Variants in SLCO1B3 observed in about 807,000 individuals in gnomAD.
The protein encoded by SLCO1B3 is liver-specific organic anion transporter 2.
Under a neutral mutation model 71.8 loss-of-function variants are expected in SLCO1B3, and 72 were observed. That is an observed-to-expected ratio of 1.00 (90% CI 0.83 to 1.22). SLCO1B3 has a LOEUF of 1.22. SLCO1B3 is among the 50% of genes most tolerant of loss of function. The pLI is 0.00. For missense variants in SLCO1B3, 911 were observed against 819.7 expected, an observed-to-expected ratio of 1.11 and a Z score of -1.36; for synonymous variants, 298 against 278.4, an observed-to-expected ratio of 1.07 and a Z score of -0.70.
intron 3 of SLCO1B3, among the ~76,000 whole-genome samples, chr12:20,837,112 T>C (rs1864700101): frequency 6.6e-6 from 1 of 152,182 alleles, no homozygotes; most frequent in Non-Finnish European, 1.5e-5. Flanking sequence ...TTTTTCATAG[T>C]ATTTCATTAT....
intron 3 of SLCO1B3, 124 bp downstream of exon 3, chr12:20,815,946 A>G (rs74464403): frequency 2.0e-6 from 1 of 491,176 alleles, no homozygotes; most frequent in African/African-American, 2.0e-5. Context: ...TGAAGCGTAC[A>G]TTAAAATATT....
chr12:20,814,320 C>G (rs1261795200), intron 2 of SLCO1B3, among the ~76,000 whole-genome samples: 1 of 152,018 alleles, frequency 6.6e-6, no homozygotes, highest in Non-Finnish European at 1.5e-5. Flanking sequence ...TTCAAAACTT[C>G]ACTTGTAGGA....
At chr12:20,887,582 G>C (rs980447053) in intron 13 of SLCO1B3, among the ~76,000 whole-genome samples, 1 of 151,050 alleles carries the variant, frequency 6.6e-6, no homozygotes, top group African/African-American at 2.4e-5. Context: ...TTTTTTTATT[G>C]AGTTGTTTGA....
intron 13 of SLCO1B3, among the ~76,000 whole-genome samples, chr12:20,892,664 A>G (rs1021489600): frequency 6.6e-6 from 1 of 152,160 alleles, no homozygotes; most frequent in African/African-American, 2.4e-5. Flanking sequence ...TCTTTGTTAT[A>G]AAAAAGGAAT....
At chr12:20,835,154 G>T (rs942702333) in intron 3 of SLCO1B3, among the ~76,000 whole-genome samples, 6 of 152,104 alleles carry the variant, frequency 3.9e-5, no homozygotes, top group Non-Finnish European at 8.8e-5. Flanking sequence ...TGGAGTGGCT[G>T]GAATGCAGGG....
intron 3 of SLCO1B3, among the ~76,000 whole-genome samples, chr12:20,850,108 T>A (rs1864995362): frequency 6.9e-6 from 1 of 144,938 alleles, no homozygotes. Flanking sequence ...GGTCCCCAAA[T>A]AAACAAAATA....
intron 11 of SLCO1B3, among the ~76,000 whole-genome samples, chr12:20,880,425 T>G (rs1358587484): frequency 6.6e-6 from 1 of 151,978 alleles, no homozygotes; most frequent in Non-Finnish European, 1.5e-5. Context: ...TCAGAGGATT[T>G]TAAAGTGAGC....
At chr12:20,861,472 C>G (rs989319667) in intron 6 of SLCO1B3, among the ~76,000 whole-genome samples, 1 of 145,970 alleles carries the variant, frequency 6.9e-6, no homozygotes, top group Non-Finnish European at 1.5e-5. Flanking sequence ...ATGAGTTGTC[C>G]TAGAACAAAC....
intron 3 of SLCO1B3, among the ~76,000 whole-genome samples, chr12:20,837,206 T>C (rs1213215488): frequency 3.9e-5 from 6 of 152,132 alleles, no homozygotes; most frequent in African/African-American, 1.4e-4. Context: ...TCTCTTTTTT[T>C]TTCCCTTAGT....
intron 15 of SLCO1B3, among the ~76,000 whole-genome samples, chr12:20,903,600 G>T (rs1014375841): frequency 6.6e-6 from 1 of 152,030 alleles, no homozygotes; most frequent in Non-Finnish European, 1.5e-5. Flanking sequence ...AGAGAGCAAA[G>T]GGGGAAGTGC....
intron 4 of SLCO1B3, 41 bp from the exon 5 acceptor site, chr12:20,858,398 T>C: frequency 1.4e-6 from 2 of 1,433,256 alleles, no homozygotes; most frequent in Non-Finnish European, 2.0e-6. Context: ...AGATACAAAA[T>C]TACACTAAGT....
intron 12 of SLCO1B3, among the ~76,000 whole-genome samples, chr12:20,882,345 A>G (rs1865709589): frequency 6.6e-6 from 1 of 152,052 alleles, no homozygotes; most frequent in Non-Finnish European, 1.5e-5. Flanking sequence ...TGTTATTCCT[A>G]TTGAAAAAAA....
At position 20,830,173 on chromosome 12, in the gene SLCO1B3, C is replaced by T. The variant is rs117331940; in HGVS notation, c.84+14351C>T. ...GAAGATAGCTCAAGCTTGCACCTGG[C>T]GCCCGTAAGAGCCTTGTGAAAGGTT... is the stretch of plus-strand genomic sequence containing the variant. On this transcript the variant is annotated intron_variant, in intron 3 of 15. Coordinates refer to ENST00000381545, the MANE Select transcript of SLCO1B3 (RefSeq NM_019844.4). Among the ~76,000 whole-genome samples the T allele has an allele frequency of 4.0e-3, 603 of 152,238 alleles. 10 individuals carry two copies. In the East Asian group the frequency reaches 0.041, roughly 10 times the overall value.
At chr12:20,877,450 G>A (rs71583728) in intron 9 of SLCO1B3, among the ~76,000 whole-genome samples, 9,468 of 152,104 alleles carry the variant, frequency 0.062, 383 homozygotes, top group East Asian at 0.18. Context: ...AATGAGAACT[G>A]TTCAAAAGTT....
rs529342866 is a variant in SLCO1B3 at position 20,819,807 on chromosome 12, G to T, written c.84+3985G>T. 3.3e-5 allele frequency among the ~76,000 whole-genome samples: 5 copies of T among 152,226 alleles called. No homozygotes were observed. In the East Asian group the frequency reaches 9.7e-4, roughly 30 times the overall value. Reference sequence around the variant, plus strand: ...AGGTTTTAATGAGATGATAAGGGGTGCATGATCGGTCACCAAGGAGGGAGT... The same window carrying T: ...AGGTTTTAATGAGATGATAAGGGGTTCATGATCGGTCACCAAGGAGGGAGT... On this transcript the variant is annotated intron_variant, in intron 3 of 15. Coordinates refer to ENST00000381545, the MANE Select transcript of SLCO1B3 (RefSeq NM_019844.4).
chr12:20,898,964 C>T (rs1273348788), intron 14 of SLCO1B3, among the ~76,000 whole-genome samples: 1 of 152,174 alleles, frequency 6.6e-6, no homozygotes, highest in Non-Finnish European at 1.5e-5. Context: ...CCATTTCCCA[C>T]TGCCTGGTCC....
intron 3 of SLCO1B3, among the ~76,000 whole-genome samples, chr12:20,822,008 T>C (rs969416179): frequency 2.0e-5 from 3 of 152,036 alleles, no homozygotes; most frequent in Non-Finnish European, 4.4e-5. Context: ...GTGAAGGAAG[T>C]TGGAGAAGAG....
chr12:20,846,238 A>G (rs1174147698), intron 3 of SLCO1B3, among the ~76,000 whole-genome samples: 2 of 152,158 alleles, frequency 1.3e-5, no homozygotes, highest in Non-Finnish European at 2.9e-5. Context: ...AGTGATTCCA[A>G]CATATGTGCC....
intron 3 of SLCO1B3, among the ~76,000 whole-genome samples, chr12:20,818,689 G>A (rs2082523): frequency 0.087 from 13,197 of 152,140 alleles, 549 homozygotes; most frequent in Non-Finnish European, 0.12. Context: ...TCTAAGAGGC[G>A]GGCTAGTGGC....
Sources: gnomAD v4.1 joint callset for allele counts (sites outside exome capture counted in the v4.1 genomes callset) on GRCh38, gnomAD v4.1.1 for gene constraint, MANE v1.5 for transcripts, NCBI Gene and HGNC (gene_info 2026-07-23, HGNC 2026-07-21) for gene names.